MYOM3: variants seen among roughly 807,000 people sequenced by gnomAD.
The protein encoded by MYOM3 is myomesin 3, also known as myomesin-3.
In MYOM3, 155 loss-of-function variants were observed where a neutral mutation model predicts 191.7. The observed-to-expected ratio is 0.81, with a 90% CI of 0.71 to 0.92. MYOM3 has a LOEUF of 0.92. MYOM3 is among the 40% of genes least tolerant of loss of function. The pLI is 0.00. For synonymous variants in MYOM3, 757 were observed against 762.9 expected, an observed-to-expected ratio of 0.99 and a Z score of 0.13; for missense variants, 1,889 against 1,890.6, an observed-to-expected ratio of 1.00 and a Z score of 0.02.
At chr1:24,101,829 G>A (rs184904736) in intron 5 of MYOM3, among the ~76,000 whole-genome samples, 13 of 152,274 alleles carry the variant, frequency 8.5e-5, no homozygotes, top group Non-Finnish European at 1.8e-4. Context: ...CCTGGATGCC[G>A]CCCTCATTTT....
In MYOM3 at chr1:24,090,890, C is replaced by T. The variant is rs537915861; in HGVS notation, c.1339G>A (p.Val447Met). 4.3e-6 allele frequency: 7 copies of T among 1,614,080 alleles called. No individual in the cohort carries two copies. Among genetic ancestry groups the T allele is most frequent in the African/African-American group, 1.3e-5 (1 of 75,066 alleles). Residue 447 changes from valine to methionine, a missense_variant, in exon 12 of 37, where the codon GTG becomes ATG. Coordinates refer to ENST00000374434, the MANE Select transcript of MYOM3 (RefSeq NM_152372.4). ...CTGCCTACCCTGCTGATGGCTCTCA[C>T]CCGGAACCGATAGCTCTGACCTTCG... is the stretch of plus-strand genomic sequence containing the variant. ...LVEGQSYRFR[V>M]RAISRVGSSV...
intron 9 of MYOM3, among the ~76,000 whole-genome samples, chr1:24,093,518 G>A (rs1448930194): frequency 6.6e-6 from 1 of 152,014 alleles, no homozygotes; most frequent in Non-Finnish European, 1.5e-5. Context: ...CTCACTGAGA[G>A]AGCTGGGGCC....
Position 24,094,845 on chromosome 1 carries a change from G to T in MYOM3, c.928+8C>A. 1.2e-6 allele frequency: 2 copies of T among 1,609,104 alleles called. No homozygotes were observed. Among genetic ancestry groups the T allele is most frequent in the Non-Finnish European group, 8.5e-7 (1 of 1,177,384 alleles). On this transcript the variant is annotated splice_region_variant and intron_variant, in intron 9 of 36. Coordinates refer to ENST00000374434, the MANE Select transcript of MYOM3 (RefSeq NM_152372.4). ...TGGAGGCTGGGGGCCAGGACTGGGG[G>T]TCCTTACCATCTCGGAACCACTGGA... is the stretch of plus-strand genomic sequence containing the variant.
chr1:24,104,797 C>G (rs1643968460), intron 5 of MYOM3, among the ~76,000 whole-genome samples: 1 of 152,226 alleles, frequency 6.6e-6, no homozygotes. Flanking sequence ...GTCCTCCCTC[C>G]TTGGCTTCCC....
chr1:24,090,019 T>A (rs1190350562), intron 13 of MYOM3, 46 bp downstream of exon 13: 1 of 1,588,728 alleles, frequency 6.3e-7, no homozygotes, highest in Admixed American at 1.7e-5. Flanking sequence ...TCCCAGAGTT[T>A]TGAGAACTAT....
intron 20 of MYOM3, 40 bp downstream of exon 20, chr1:24,079,976 G>A: frequency 1.9e-6 from 3 of 1,540,144 alleles, no homozygotes; most frequent in Non-Finnish European, 2.6e-6. Context: ...TGGCAGGGAA[G>A]GCTCAGGGCC....
rs1228386350 is a variant in MYOM3 at position 24,092,981 on chromosome 1, T to C, written c.1056A>G (p.Gly352=). The change falls in exon 10 of 37, where the codon GGA becomes GGG. Residue 352 remains glycine (G), a synonymous_variant. Transcript: ENST00000374434. ...LYMVRVPSPF[G]PREQSTYVLV... is the part of the protein sequence containing the mutation. Reference sequence around the variant, plus strand: ...GCACGTAGGTGCTCTGTTCCCGGGGTCCGAAGGGCGAGGGCACCCGGACCA... The same window carrying C: ...GCACGTAGGTGCTCTGTTCCCGGGGCCCGAAGGGCGAGGGCACCCGGACCA... 3 of 1,606,136 alleles carry C rather than the reference T, an allele frequency of 1.9e-6. No individual in the cohort carries two copies. The highest frequency in any genetic ancestry group is 2.2e-5 in the East Asian group (1 of 44,658).
chr1:24,067,456 C>CTTCT (rs201516438), intron 27 of MYOM3, among the ~76,000 whole-genome samples: 13,167 of 109,074 alleles, frequency 0.12, 919 homozygotes, highest in Middle Eastern at 0.25. Flanking sequence ...TGTTTCCTTC[C>CTTCT]TTCTTTCTTT....
chr1:24,063,365 A>AT lies in MYOM3; in HGVS notation c.3661+126dup. On this transcript the variant is annotated intron_variant, in intron 31 of 36. Transcript: ENST00000374434. The surrounding 1 kb of genome is among the most constrained non-coding windows in gnomAD (Gnocchi z 4.5). ...AAATGCAGTGCTGTGAAGAGGCGGG[A>AT]TTTTCTCTTCGGTGTTTGAGGTTAG... 1 of 1,393,650 alleles carries AT rather than the reference A, an allele frequency of 7.2e-7. No individual in the cohort carries two copies. The highest frequency in any genetic ancestry group is 1.0e-6 in the Non-Finnish European group (1 of 987,268). 86.3% of individuals were successfully genotyped at this position (1,393,650 alleles called of 1,614,324 possible).
chr1:24,093,141 G>A, intron 9 of MYOM3, 33 bp from the exon 10 acceptor site: 4 of 1,566,880 alleles, frequency 2.6e-6, no homozygotes, highest in Non-Finnish European at 3.5e-6. Flanking sequence ...CATTGAGTTT[G>A]TGGGGGGTCC....
intron 13 of MYOM3, 131 bp downstream of exon 13, chr1:24,089,934 C>T: frequency 3.2e-6 from 3 of 946,196 alleles, no homozygotes; most frequent in Non-Finnish European, 4.9e-6. Flanking sequence ...CTCTGACTGC[C>T]TCCAACTAGG....
chr1:24,067,130 G>A (rs1026255993), intron 27 of MYOM3, 42 bp from the exon 28 acceptor site: 6 of 1,550,220 alleles, frequency 3.9e-6, no homozygotes, highest in Non-Finnish European at 5.2e-6. Context: ...AGAGAGCCAG[G>A]CTCAGCCAGG....
At chr1:24,098,243 G>A (rs553245087) in intron 6 of MYOM3, among the ~76,000 whole-genome samples, 2 of 152,334 alleles carry the variant, frequency 1.3e-5, no homozygotes, top group South Asian at 4.1e-4. Flanking sequence ...ACCGTCTCAG[G>A]AGAAAGTGCT....
rs755491952 is a variant in MYOM3, at chr1:24,063,219, G to A, written c.3677C>T (p.Pro1226Leu). 1.1e-5 allele frequency: 18 copies of A among 1,613,774 alleles called. No homozygotes were observed. The highest frequency in any genetic ancestry group is 1.5e-5 in the Non-Finnish European group (18 of 1,179,800). ...TTCCTCGGTCCCCTGGATTTTCAGTGGAGTTGCAGAGAGGGCTGGGGAGAC... is the reference window on the plus strand; with the variant it reads ...TTCCTCGGTCCCCTGGATTTTCAGTAGAGTTGCAGAGAGGGCTGGGGAGAC... ...LGRIGALSAT[P>L]LKIQGTEEGI... Residue 1226 changes from proline (P) to leucine (L), a missense_variant, in exon 32 of 37, where the codon CCA becomes CTA. Pro to Leu is a moderately conservative substitution (Grantham distance 98, BLOSUM62 -3). Transcript: ENST00000374434. The surrounding 1 kb of genome is among the most constrained non-coding windows in gnomAD (Gnocchi z 4.5).
At chr1:24,084,837 C>T (rs1643716394) in intron 15 of MYOM3, among the ~76,000 whole-genome samples, 198 bp from the exon 16 acceptor site, 1 of 152,186 alleles carries the variant, frequency 6.6e-6, no homozygotes, top group Non-Finnish European at 1.5e-5. Context: ...CTCCCCTTAC[C>T]TCTGAGCATC....
At chr1:24,059,901 G>A (rs961898745) in intron 35 of MYOM3, among the ~76,000 whole-genome samples, 8 of 152,186 alleles carry the variant, frequency 5.3e-5, no homozygotes, top group African/African-American at 1.9e-4. Flanking sequence ...GATGCGGATG[G>A]TGTCTGTCCA....
At chr1:24,081,257 C>A (rs114613201) in intron 19 of MYOM3, 73 bp downstream of exon 19, 87 of 1,586,290 alleles carry the variant, frequency 5.5e-5, no homozygotes, top group Non-Finnish European at 6.4e-5. Flanking sequence ...AGAGCGGCAA[C>A]CTTCATCTCA....
rs1441399497 is a variant in MYOM3 at position 24,063,325 on chromosome 1, C to T, written c.3662-91G>A. ...GCTTGTCTGCCTCTGCCCTGGGGGG[C>T]AGGTGCTGTGGGGGAAATGCAGTGC... is the stretch of plus-strand genomic sequence containing the variant. On this transcript the variant is annotated intron_variant, in intron 31 of 36. Coordinates refer to ENST00000374434, the MANE Select transcript of MYOM3 (RefSeq NM_152372.4). The surrounding 1 kb of genome is among the most constrained non-coding windows in gnomAD (Gnocchi z 4.5). 7.2e-7 allele frequency: 1 copy of T among 1,382,538 alleles called. No individual in the cohort carries two copies. Among genetic ancestry groups the T allele is most frequent in the Non-Finnish European group, 1.0e-6 (1 of 972,610 alleles). The allele number at this position is 1,382,538 out of a possible 1,614,324, so 85.6% of individuals were successfully genotyped here.
chr1:24,076,672 C>T (rs1329893947), intron 20 of MYOM3, among the ~76,000 whole-genome samples: 1 of 105,914 alleles, frequency 9.4e-6, no homozygotes, highest in Non-Finnish European at 2.1e-5. Flanking sequence ...CGCCACTACG[C>T]CCGGCTAATT....
Sources: allele counts gnomAD v4.1 joint callset (sites outside exome capture counted in the v4.1 genomes callset), GRCh38; gene constraint gnomAD v4.1.1; non-coding constraint Gnocchi (gnomAD v3.1); transcripts MANE v1.5; gene names NCBI Gene and HGNC (gene_info 2026-07-23, HGNC 2026-07-21).